The following MED12L variants were observed in gnomAD, a reference collection of about 807,000 sequenced individuals.
MED12L encodes the protein mediator complex subunit 12L.
MED12L carries 60 observed loss-of-function variants against 281.3 expected under a neutral mutation model. That is an observed-to-expected ratio of 0.21 (90% CI 0.17 to 0.26). The LOEUF (loss-of-function observed/expected upper bound fraction) is 0.26. Ranked by LOEUF, MED12L falls within the 10% of genes least tolerant of loss-of-function variation. MED12L has a pLI of 1.00. For synonymous variants in MED12L, 974 were observed against 987.2 expected (o/e 0.99, Z 0.25); for missense variants, 2,146 against 2,680.9 (o/e 0.80, Z 4.41).
At position 151,388,080 on chromosome 3, in the gene MED12L, G is replaced by T. The variant is rs372519630; in HGVS notation, c.5359G>T (p.Ala1787Ser). 8.1e-6 allele frequency: 13 copies of T among 1,613,774 alleles called. No homozygotes were observed. The highest frequency in any genetic ancestry group is 5.3e-5 in the African/African-American group (4 of 74,888). ...TTCTCAGGAACCAGAAAGGAAGTCC[G>T]CTGAGCTGTCAGATCAGGGAAAAAC... Reference protein sequence around the residue: ...PVSQEPERKSAELSDQGKTTT... With the variant: ...PVSQEPERKSSELSDQGKTTT... The change falls in exon 37 of 45, where the codon GCT (alanine) becomes TCT (serine). Residue 1787 changes from alanine (A) to serine (S), a missense_variant. Ala to Ser is a moderately conservative substitution (Grantham distance 99, BLOSUM62 1). Transcript: ENST00000687756.
At chr3:151,245,489 C>G (rs1473247394) in intron 16 of MED12L, among the ~76,000 whole-genome samples, 2 of 141,988 alleles carry the variant, frequency 1.4e-5, no homozygotes, top group East Asian at 4.1e-4. Context: ...AAATGTAATC[C>G]AGCATATAAA....
chr3:151,338,552 T>C, intron 16 of MED12L: 1 of 1,614,010 alleles, frequency 6.2e-7, no homozygotes, highest in Non-Finnish European at 8.5e-7. Context: ...CGGAGGTAAC[T>C]TGACACACAA....
At chr3:151,368,080 T>A (rs1269047432) in intron 24 of MED12L, 70 bp from the exon 25 acceptor site, 3 of 1,229,118 alleles carry the variant, frequency 2.4e-6, no homozygotes, top group Middle Eastern at 3.8e-4. Flanking sequence ...AAATTTAGCT[T>A]AATAGGAAAC....
intron 37 of MED12L, among the ~76,000 whole-genome samples, chr3:151,389,270 C>T (rs1325978994): frequency 6.6e-6 from 1 of 152,152 alleles, no homozygotes; most frequent in African/African-American, 2.4e-5. Context: ...AATCCTGCTC[C>T]CCAGGTCAGT....
chr3:151,247,959 CTTCTTTTTT>C (rs1213710132), intron 16 of MED12L, among the ~76,000 whole-genome samples: 15 of 65,442 alleles, frequency 2.3e-4, no homozygotes, highest in South Asian at 5.4e-4. Context: ...TCTTCTTCTT[CTTCTTTTTT>C]TTTTTTTTTT....
intron 16 of MED12L, among the ~76,000 whole-genome samples, chr3:151,302,589 A>C (rs1746085642): frequency 6.6e-6 from 1 of 152,168 alleles, no homozygotes; most frequent in Non-Finnish European, 1.5e-5. Flanking sequence ...AATTAAAGTC[A>C]AGATCTTGTT....
At chr3:151,157,926 A>T (rs774261171) in intron 6 of MED12L, among the ~76,000 whole-genome samples, 7 of 152,214 alleles carry the variant, frequency 4.6e-5, no homozygotes, top group Non-Finnish European at 8.8e-5. Context: ...GAATCATAAT[A>T]CAAAACTATA....
intron 27 of MED12L, among the ~76,000 whole-genome samples, chr3:151,375,314 G>A (rs989493082): frequency 2.0e-5 from 3 of 152,108 alleles, no homozygotes; most frequent in Admixed American, 2.0e-4. Flanking sequence ...AATAGATCTG[G>A]GTTCAAATTG....
intron 11 of MED12L, among the ~76,000 whole-genome samples, chr3:151,184,732 G>A (rs1723071397): frequency 6.6e-6 from 1 of 152,216 alleles, no homozygotes; most frequent in Admixed American, 6.5e-5. Context: ...GTCCTTGGTT[G>A]ACTGTGTCTG....
chr3:151,338,467 TG>T (rs770940074), intron 16 of MED12L: 3 of 1,614,030 alleles, frequency 1.9e-6, no homozygotes, highest in South Asian at 1.1e-5. Context: ...AATGGCCTGG[TG>T]GTCTTCTGGT....
chr3:151,219,072 T>G (rs1312003052), intron 16 of MED12L, among the ~76,000 whole-genome samples: 1 of 152,030 alleles, frequency 6.6e-6, no homozygotes, highest in Non-Finnish European at 1.5e-5. Context: ...CAGAATGAGA[T>G]TTATGAGGCC....
rs559742067 is a variant in MED12L at position 151,206,788 on chromosome 3, G to T, written c.2250+13122G>T. ...GCCTCCCGAGTAGCTGGGACTACAG[G>T]CACCCACCACCACGCCCAGCTAAAT... On this transcript the variant is annotated intron_variant, in intron 16 of 44. Transcript: ENST00000687756. Among the ~76,000 whole-genome samples the T allele has an allele frequency of 8.9e-4, 135 of 151,048 alleles. 1 individual carries two copies. The highest frequency in any genetic ancestry group is 8.4e-3 in the Admixed American group (127 of 15,158).
Position 151,334,192 on chromosome 3 carries a change from C to CTTTTTTTT in MED12L, c.2251-15864_2251-15863insTTTTTTTT, listed in dbSNP as rs71848482. On this transcript the variant is annotated intron_variant, in intron 16 of 44. Coordinates refer to ENST00000687756, the MANE Select transcript of MED12L (RefSeq NM_001393769.1). Reference sequence around the variant, plus strand: ...GATGTTATGTGTTTTTTCTTTCTTTCTTTCTTTTTTTTTTTGCCATTTCTA... The same window carrying CTTTTTTTT: ...GATGTTATGTGTTTTTTCTTTCTTTCTTTTTTTTTTTCTTTTTTTTTTTGCCATTTCTA... Among the ~76,000 whole-genome samples the CTTTTTTTT allele has an allele frequency of 8.5e-4, 85 of 99,426 alleles. 8 individuals are homozygous for CTTTTTTTT. The highest frequency in any genetic ancestry group is 3.1e-3 in the African/African-American group (78 of 25,158). 65.2% of individuals were successfully genotyped at this position (99,426 alleles called of 152,430 possible).
chr3:151,384,321 A>G (rs1228942765), intron 35 of MED12L, 103 bp downstream of exon 35: 2 of 1,195,464 alleles, frequency 1.7e-6, no homozygotes, highest in Admixed American at 2.7e-5. Context: ...ATTGTATTCA[A>G]CTTAATTTAA....
intron 16 of MED12L, among the ~76,000 whole-genome samples, chr3:151,268,593 T>C (rs1480548315): frequency 6.6e-6 from 1 of 152,232 alleles, no homozygotes; most frequent in East Asian, 1.9e-4. Context: ...TTTCAAATTT[T>C]GTCTAATTTG....
chr3:151,338,823 G>A, intron 16 of MED12L: 1 of 1,613,838 alleles, frequency 6.2e-7, no homozygotes, highest in Non-Finnish European at 8.5e-7. Context: ...AGGCGCAGAG[G>A]TGAGGTTGTC....
chr3:151,228,030 G>T (rs930006215), intron 16 of MED12L, among the ~76,000 whole-genome samples: 2 of 152,186 alleles, frequency 1.3e-5, no homozygotes, highest in Non-Finnish European at 2.9e-5. Flanking sequence ...TTTGATACAG[G>T]AAGAGAATTT....
intron 2 of MED12L, among the ~76,000 whole-genome samples, chr3:151,113,981 C>G (rs2148722846): frequency 6.6e-6 from 1 of 152,268 alleles, no homozygotes; most frequent in Non-Finnish European, 1.5e-5. Flanking sequence ...CTCAATGTTT[C>G]TTATAATACT....
intron 39 of MED12L, among the ~76,000 whole-genome samples, chr3:151,407,743 C>T (rs2108334249): frequency 6.6e-6 from 1 of 152,306 alleles, no homozygotes; most frequent in East Asian, 1.9e-4. Context: ...ATAGCCTACT[C>T]TGAAAGTAAG....
Sources: gnomAD v4.1 joint callset for allele counts (sites outside exome capture counted in the v4.1 genomes callset) on GRCh38, gnomAD v4.1.1 for gene constraint, MANE v1.5 for transcripts, NCBI Gene and HGNC (gene_info 2026-07-23, HGNC 2026-07-21) for gene names.